The following CCDC171 variants were observed in gnomAD, a reference collection of about 807,000 sequenced individuals.
The protein encoded by CCDC171 is coiled-coil domain containing 171, also known as coiled-coil domain-containing protein 171.
CCDC171 carries 177 observed loss-of-function variants against 168.2 expected under a neutral mutation model. The ratio of observed to expected loss-of-function variants is 1.05; its 90% CI spans 0.93 to 1.19. CCDC171 has a LOEUF of 1.19. Among genes scored for constraint, CCDC171 ranks in the 50% most tolerant of loss-of-function variants. CCDC171 has a pLI of 0.00. For missense variants in CCDC171, 1,991 were observed against 1,539.0 expected (o/e 1.29, Z -4.91); for synonymous variants, 687 against 540.8 (o/e 1.27, Z -3.75).
intron 25 of CCDC171, among the ~76,000 whole-genome samples, chr9:15,941,470 G>C (rs1827725452): frequency 1.3e-5 from 2 of 151,778 alleles, no homozygotes; most frequent in African/African-American, 4.8e-5. Context: ...AAAAAACACT[G>C]AGTTTGAAAT....
At chr9:16,099,616 G>T in the CCDC171 span, among the ~76,000 whole-genome samples, 2 of 152,202 alleles carry the variant, frequency 1.3e-5, no homozygotes, top group African/African-American at 4.8e-5. Flanking sequence ...AGGCACCTTT[G>T]TAGGAGGTGC....
At chr9:15,967,358 GA>G (rs1364398441) in intron 25 of CCDC171, among the ~76,000 whole-genome samples, 1 of 152,186 alleles carries the variant, frequency 6.6e-6, no homozygotes, top group East Asian at 1.9e-4. Flanking sequence ...TTGAAGTAAT[GA>G]AAAGAGTACT....
chr9:15,823,101 T>C (rs187115563), intron 21 of CCDC171, among the ~76,000 whole-genome samples: 3,096 of 152,004 alleles, frequency 0.02, 118 homozygotes, highest in African/African-American at 0.071. Context: ...AACCAAACAC[T>C]GCATGTTCTC....
intron 6 of CCDC171, among the ~76,000 whole-genome samples, chr9:15,616,103 A>C (rs1174461843): frequency 6.6e-6 from 1 of 152,152 alleles, no homozygotes; most frequent in Non-Finnish European, 1.5e-5. Context: ...GGTGTGTGCC[A>C]CCACACCTGG....
At chr9:16,006,468 A>G (rs986578001) in intron 3 of CCDC171, among the ~76,000 whole-genome samples, 5 of 152,152 alleles carry the variant, frequency 3.3e-5, no homozygotes, top group Non-Finnish European at 5.9e-5. Flanking sequence ...TTTAGGGTAC[A>G]TGTGCACAAC....
chr9:15,739,098 G>T (rs943207113), intron 16 of CCDC171, among the ~76,000 whole-genome samples: 1 of 152,176 alleles, frequency 6.6e-6, no homozygotes, highest in African/African-American at 2.4e-5. Context: ...TAGTGTAGAA[G>T]TTAAATGCCT....
At chr9:15,914,096 G>T (rs1394848516) in intron 24 of CCDC171, among the ~76,000 whole-genome samples, 1 of 152,210 alleles carries the variant, frequency 6.6e-6, no homozygotes, top group Non-Finnish European at 1.5e-5. Flanking sequence ...GCTGGGAGTT[G>T]TCTCCCTGTC....
the CCDC171 span, among the ~76,000 whole-genome samples, chr9:16,107,496 T>G: frequency 6.6e-6 from 1 of 152,160 alleles, no homozygotes; most frequent in African/African-American, 2.4e-5. Flanking sequence ...GTTCCCCAAA[T>G]GCTAATATTT....
At chr9:15,919,521 T>C (rs1338169595) in intron 24 of CCDC171, among the ~76,000 whole-genome samples, 1 of 151,666 alleles carries the variant, frequency 6.6e-6, no homozygotes, top group Non-Finnish European at 1.5e-5. Flanking sequence ...TATTTTGCTA[T>C]ATTTGAGTTA....
chr9:15,660,456 A>T (rs56749153), intron 8 of CCDC171, among the ~76,000 whole-genome samples: 11 of 151,674 alleles, frequency 7.3e-5, no homozygotes, highest in African/African-American at 2.7e-4. Flanking sequence ...TAATTTTTCA[A>T]CTCTTGCCCC....
chr9:15,836,364 T>C (rs1429438558), intron 21 of CCDC171, among the ~76,000 whole-genome samples: 2 of 152,176 alleles, frequency 1.3e-5, no homozygotes, highest in African/African-American at 4.8e-5. Context: ...TTTATTTATT[T>C]ATTTTTGTTT....
chr9:15,802,517 C>T (rs1277012204), intron 21 of CCDC171, among the ~76,000 whole-genome samples: 1 of 152,094 alleles, frequency 6.6e-6, no homozygotes, highest in East Asian at 1.9e-4. Flanking sequence ...ATTTGGTTTT[C>T]TGTTCCTGTA....
At chr9:15,623,946 T>C (rs2044805372) in intron 7 of CCDC171, among the ~76,000 whole-genome samples, 1 of 152,214 alleles carries the variant, frequency 6.6e-6, no homozygotes, top group Non-Finnish European at 1.5e-5. Flanking sequence ...AAGAGAAATG[T>C]AATTGATTTG....
At chr9:16,056,647 C>T (rs1833847903) in intron 1 of CCDC171, among the ~76,000 whole-genome samples, 1 of 152,048 alleles carries the variant, frequency 6.6e-6, no homozygotes, top group African/African-American at 2.4e-5. Context: ...ACCACCACAC[C>T]TGGCTAATTT....
intron 7 of CCDC171, among the ~76,000 whole-genome samples, chr9:15,646,186 C>A (rs897954612): frequency 5.9e-5 from 9 of 152,246 alleles, no homozygotes; most frequent in Middle Eastern, 3.4e-3. Context: ...CCTTTACAGA[C>A]AAGCAAATGC....
chr9:15,979,795 CAT>C (rs1589292606), intron 3 of CCDC171, among the ~76,000 whole-genome samples: 1 of 151,408 alleles, frequency 6.6e-6, no homozygotes, highest in South Asian at 2.1e-4. Context: ...ATACTGGGCT[CAT>C]AGAATGATTG....
chr9:16,011,757 C>G (rs1264696987), intron 3 of CCDC171, among the ~76,000 whole-genome samples: 1 of 152,154 alleles, frequency 6.6e-6, no homozygotes, highest in African/African-American at 2.4e-5. Flanking sequence ...CGTTGCTTTC[C>G]CAAAGCTTAC....
At chr9:15,889,669 AT>A (rs1199993098) in intron 24 of CCDC171, among the ~76,000 whole-genome samples, 2 of 152,164 alleles carry the variant, frequency 1.3e-5, no homozygotes, top group African/African-American at 2.4e-5. Flanking sequence ...CTGAGGCATT[AT>A]TTTTTGGGCC....
At chr9:15,783,387 A>C (rs4146292) in intron 20 of CCDC171, among the ~76,000 whole-genome samples, 143,174 of 152,196 alleles carry the variant, frequency 0.94, 67,422 homozygotes, top group East Asian at 1. Flanking sequence ...GATTTTTTTC[A>C]CTGCTTTTTC....
Sources: gnomAD v4.1 joint callset for allele counts (sites outside exome capture counted in the v4.1 genomes callset) on GRCh38, gnomAD v4.1.1 for gene constraint, MANE v1.5 for transcripts, NCBI Gene and HGNC (gene_info 2026-07-23, HGNC 2026-07-21) for gene names.